Variants in SMAD2 observed in about 807,000 individuals in gnomAD.
SMAD2 encodes the protein SMAD family member 2.
Under a neutral mutation model 64.4 loss-of-function variants are expected in SMAD2, and 8 were observed. The observed-to-expected ratio is 0.12, with a 90% CI of 0.07 to 0.22. The LOEUF is 0.22. SMAD2 is among the 10% of genes least tolerant of loss of function. SMAD2 has a pLI of 1.00. For synonymous variants in SMAD2, 203 were observed against 195.8 expected (o/e 1.04, Z -0.31); for missense variants, 289 against 561.2 (o/e 0.51, Z 4.90).
At chr18:47,858,805 A>T (rs372429035) in intron 6 of SMAD2, among the ~76,000 whole-genome samples, 1 of 152,160 alleles carries the variant, frequency 6.6e-6, no homozygotes. Context: ...GAGTAAACAG[A>T]ATGAAACAAA....
chr18:47,848,141 A>C (rs1442063763), intron 8 of SMAD2, among the ~76,000 whole-genome samples: 1 of 152,188 alleles, frequency 6.6e-6, no homozygotes, highest in Non-Finnish European at 1.5e-5. Context: ...AAAACAAAAA[A>C]ACATGATTTA....
chr18:47,905,838 A>G (rs1479883145), intron 1 of SMAD2, among the ~76,000 whole-genome samples: 2 of 152,196 alleles, frequency 1.3e-5, no homozygotes, highest in African/African-American at 4.8e-5. Context: ...TGAGCCACGC[A>G]TGGTGGCTCA....
chr18:47,904,801 G>A (rs942916027), intron 1 of SMAD2, among the ~76,000 whole-genome samples: 7 of 152,284 alleles, frequency 4.6e-5, no homozygotes, highest in Non-Finnish European at 8.8e-5. Flanking sequence ...GAGAAAAAAG[G>A]TATCTGAAAA....
intron 1 of SMAD2, among the ~76,000 whole-genome samples, chr18:47,917,811 C>G (rs1008295920): frequency 6.6e-6 from 1 of 152,046 alleles, no homozygotes; most frequent in Non-Finnish European, 1.5e-5. Context: ...CCTCAGCCTC[C>G]CAAAGTGCTA....
At chr18:47,843,601 A>T (rs1914187652) in intron 10 of SMAD2, among the ~76,000 whole-genome samples, 1 of 152,256 alleles carries the variant, frequency 6.6e-6, no homozygotes, top group Non-Finnish European at 1.5e-5. Flanking sequence ...CTATTTCCTC[A>T]GCTCCAGAAT....
At chr18:47,899,924 T>A (rs187791792) in intron 1 of SMAD2, among the ~76,000 whole-genome samples, 3 of 152,186 alleles carry the variant, frequency 2.0e-5, no homozygotes, top group Non-Finnish European at 1.5e-5. Context: ...AACAGTGTAA[T>A]GCTTCAGAGA....
intron 1 of SMAD2, among the ~76,000 whole-genome samples, chr18:47,904,480 TA>T (rs2033824350): frequency 6.6e-6 from 1 of 151,848 alleles, no homozygotes; most frequent in Non-Finnish European, 1.5e-5. Context: ...GAAACATTGC[TA>T]CCACCAGTCC....
At chr18:47,909,622 T>C (rs942735444) in intron 1 of SMAD2, among the ~76,000 whole-genome samples, 1 of 152,192 alleles carries the variant, frequency 6.6e-6, no homozygotes, top group Non-Finnish European at 1.5e-5. Flanking sequence ...TGATCAGCAC[T>C]GCCCTTCTCT....
intron 2 of SMAD2, among the ~76,000 whole-genome samples, chr18:47,882,099 G>C (rs1237753944): frequency 7.8e-6 from 1 of 128,434 alleles, no homozygotes. Flanking sequence ...GCCTAGGCTG[G>C]TTTCAAACTC....
intron 1 of SMAD2, among the ~76,000 whole-genome samples, chr18:47,898,881 T>A (rs574938492): frequency 8.7e-6 from 1 of 114,792 alleles, no homozygotes; most frequent in Non-Finnish European, 1.8e-5. Context: ...CTTTTTGCAT[T>A]CAACAATTTT....
intron 5 of SMAD2, chr18:47,867,439 A>G (rs1420940395): frequency 6.6e-6 from 1 of 152,046 alleles, no homozygotes; most frequent in Non-Finnish European, 1.5e-5. Context: ...ATGTACTAAA[A>G]CTGTATTTTA....
chr18:47,899,273 C>G (rs1320007016), intron 1 of SMAD2, among the ~76,000 whole-genome samples: 2 of 151,908 alleles, frequency 1.3e-5, no homozygotes, highest in Non-Finnish European at 2.9e-5. Flanking sequence ...TATGAAATTC[C>G]AGAAGGAGGT....
At chr18:47,907,136 G>A (rs563427628) in intron 1 of SMAD2, among the ~76,000 whole-genome samples, 6 of 151,884 alleles carry the variant, frequency 4.0e-5, no homozygotes, top group African/African-American at 7.3e-5. Flanking sequence ...TTGGAAAACC[G>A]GCAAGTTCCA....
At chr18:47,909,546 G>T (rs1156574358) in intron 1 of SMAD2, among the ~76,000 whole-genome samples, 2 of 152,116 alleles carry the variant, frequency 1.3e-5, no homozygotes, top group Non-Finnish European at 2.9e-5. Context: ...AGAGAAACAA[G>T]CACCAGATCT....
Position 47,816,422 on chromosome 18 carries a change from T to A in SMAD2, c.*25405A>T, listed in dbSNP as rs1170815555. The A allele has an allele frequency of 6.6e-6, 1 of 152,206 alleles. No homozygotes were observed. The highest frequency in any genetic ancestry group is 1.5e-5 in the Non-Finnish European group (1 of 68,040). The allele number at this position is 152,206 out of a possible 1,614,324, so 9.4% of individuals were successfully genotyped here. ...AGTCTGGTATAACTGCCTGAACAAC[T>A]TATTAAGAACATTAACAAGTAATAA... On this transcript the variant is annotated 3_prime_UTR_variant, in exon 11 of 11. Coordinates refer to ENST00000262160, the MANE Select transcript of SMAD2 (RefSeq NM_005901.6).
intron 7 of SMAD2, 85 bp downstream of exon 7, chr18:47,851,189 T>C (rs947334908): frequency 2.1e-6 from 2 of 974,334 alleles, no homozygotes; most frequent in South Asian, 2.7e-5. Flanking sequence ...CTCGGATATA[T>C]AAAAAATAAC....
intron 10 of SMAD2, among the ~76,000 whole-genome samples, chr18:47,842,945 T>C (rs72912353): frequency 0.082 from 12,425 of 152,304 alleles, 685 homozygotes; most frequent in Non-Finnish European, 0.12. Context: ...CACTTGCTTC[T>C]ACAAACTAAC....
intron 6 of SMAD2, among the ~76,000 whole-genome samples, chr18:47,859,620 G>A (rs1486444329): frequency 6.6e-6 from 1 of 152,072 alleles, no homozygotes; most frequent in Non-Finnish European, 1.5e-5. Context: ...CATAAAATTT[G>A]TAATATAGAG....
Position 47,828,694 on chromosome 18 carries a change from G to A in SMAD2, c.*13133C>T, listed in dbSNP as rs557247287. On this transcript the variant is annotated 3_prime_UTR_variant, in exon 11 of 11. Coordinates refer to ENST00000262160, the MANE Select transcript of SMAD2 (RefSeq NM_005901.6). ...ACTCAGGGTTAAATGGATTAAGGGC[G>A]GTGCAAGATGTGCTTTGTTAAACAG... 145 of 159,264 alleles carry A rather than the reference G, an allele frequency of 9.1e-4. No homozygotes were observed. Among genetic ancestry groups the A allele is most frequent in the Non-Finnish European group, 1.4e-3 (102 of 73,182 alleles). The allele number at this position is 159,264 out of a possible 1,614,324, so 9.9% of individuals were successfully genotyped here. A position where few individuals can be genotyped will look rare whatever the true frequency, so the allele number is the denominator to read the frequency against.
Sources: allele counts gnomAD v4.1 joint callset (sites outside exome capture counted in the v4.1 genomes callset), GRCh38; gene constraint gnomAD v4.1.1; transcripts MANE v1.5; gene names NCBI Gene and HGNC (gene_info 2026-07-23, HGNC 2026-07-21).